Variants in MSRA observed in about 807,000 individuals in gnomAD.
The protein encoded by MSRA is methionine sulfoxide reductase A.
Under a neutral mutation model 31.3 loss-of-function variants are expected in MSRA, and 54 were observed. The ratio of observed to expected loss-of-function variants is 1.73; its 90% CI spans 1.39 to 2.17. The LOEUF (loss-of-function observed/expected upper bound fraction) is 2.17, where lower values mean the gene tolerates loss of function less well. MSRA is among the 30% of genes most tolerant of loss of function. The pLI, the probability that MSRA is intolerant of heterozygous loss-of-function variation, is 0.00. For missense variants in MSRA, 507 were observed against 300.9 expected (o/e 1.69, Z -5.07); for synonymous variants, 169 against 116.5 (o/e 1.45, Z -2.90).
At chr8:10,372,845 T>C (rs566060116) in intron 5 of MSRA, among the ~76,000 whole-genome samples, 2 of 152,378 alleles carry the variant, frequency 1.3e-5, no homozygotes, top group African/African-American at 4.8e-5. Context: ...GGATTTCCTG[T>C]ATAGGCTTAA....
At chr8:10,104,730 A>G (rs1035901468) in intron 1 of MSRA, among the ~76,000 whole-genome samples, 1 of 152,252 alleles carries the variant, frequency 6.6e-6, no homozygotes, top group African/African-American at 2.4e-5. Flanking sequence ...CCTGAATTCC[A>G]AAAGGGAGAC....
intron 5 of MSRA, among the ~76,000 whole-genome samples, chr8:10,425,490 C>T (rs921487269): frequency 6.6e-6 from 1 of 152,226 alleles, no homozygotes; most frequent in African/African-American, 2.4e-5. Flanking sequence ...CCTGCGTGGA[C>T]CCACTTCCTC....
At chr8:10,183,810 GCT>G (rs2129050919) in intron 1 of MSRA, among the ~76,000 whole-genome samples, 1 of 143,038 alleles carries the variant, frequency 7.0e-6, no homozygotes, top group Non-Finnish European at 1.5e-5. Flanking sequence ...TGGTGGTGGT[GCT>G]GCTGCTGCTG....
At chr8:10,078,614 G>T (rs1276044798) in intron 1 of MSRA, among the ~76,000 whole-genome samples, 1 of 152,224 alleles carries the variant, frequency 6.6e-6, no homozygotes, top group Non-Finnish European at 1.5e-5. Flanking sequence ...CAGCTGCCAC[G>T]GTGCTGCACC....
chr8:10,301,634 C>T lies in MSRA; in HGVS notation c.432C>T (p.Thr144=), dbSNP rs1344470932. ...LKVFWENHDP[T]QGMRQGNDHG... is the part of the protein sequence containing the mutation. ...TCTTCTGGGAGAATCACGACCCGAC[C>T]CAAGGTAGAGTGATGAGTGAGCCAG... is the stretch of plus-strand genomic sequence containing the variant. Residue 144 remains threonine (T), a synonymous_variant, in exon 4 of 6, where the codon ACC becomes ACT. Coordinates refer to ENST00000317173, the MANE Select transcript of MSRA (RefSeq NM_012331.5). 5.6e-6 allele frequency: 9 copies of T among 1,612,560 alleles called. No homozygotes were observed. The highest frequency in any genetic ancestry group is 7.6e-6 in the Non-Finnish European group (9 of 1,179,010).
chr8:10,144,125 C>T (rs1316091591), intron 1 of MSRA, among the ~76,000 whole-genome samples: 2 of 152,148 alleles, frequency 1.3e-5, no homozygotes, highest in Admixed American at 6.5e-5. Context: ...GCCGGATCGC[C>T]ACCATCTTTA....
chr8:10,253,738 T>C (rs541914649), intron 3 of MSRA, among the ~76,000 whole-genome samples: 8 of 109,368 alleles, frequency 7.3e-5, no homozygotes, highest in Middle Eastern at 0.011. Context: ...TATGAGAAAA[T>C]AACCTTATGG....
At chr8:10,105,994 A>G (rs1372738996) in intron 1 of MSRA, among the ~76,000 whole-genome samples, 4 of 152,232 alleles carry the variant, frequency 2.6e-5, no homozygotes, top group African/African-American at 9.6e-5. Flanking sequence ...TTTAGTAATT[A>G]TACATCTGTT....
intron 1 of MSRA, among the ~76,000 whole-genome samples, chr8:10,075,843 T>C (rs541023254): frequency 1.5e-4 from 23 of 152,336 alleles, no homozygotes; most frequent in Admixed American, 5.9e-4. Context: ...TGGGTACCAC[T>C]TTCCTCTCTT....
chr8:10,358,462 G>A (rs1804639416), intron 5 of MSRA, among the ~76,000 whole-genome samples: 1 of 150,376 alleles, frequency 6.6e-6, no homozygotes, highest in African/African-American at 2.5e-5. Context: ...CCAACCCCCG[G>A]TTCTGGCCTA....
intron 3 of MSRA, among the ~76,000 whole-genome samples, chr8:10,272,833 TG>T (rs1258731022): frequency 1.1e-4 from 16 of 152,336 alleles, no homozygotes; most frequent in African/African-American, 3.6e-4. Context: ...GCCTAGGACC[TG>T]GCATAAAACA....
chr8:10,222,812 C>T (rs937809774), intron 2 of MSRA, among the ~76,000 whole-genome samples: 1 of 152,140 alleles, frequency 6.6e-6, no homozygotes, highest in African/African-American at 2.4e-5. Context: ...GCAGAGAGTA[C>T]AATGATGGTT....
At chr8:10,194,508 G>A (rs1807805778) in intron 1 of MSRA, among the ~76,000 whole-genome samples, 2 of 152,194 alleles carry the variant, frequency 1.3e-5, no homozygotes, top group East Asian at 1.9e-4. Flanking sequence ...AGAGGTTGCG[G>A]TGAGCCAAGA....
intron 1 of MSRA, among the ~76,000 whole-genome samples, chr8:10,164,940 A>G (rs1804986938): frequency 6.6e-6 from 1 of 152,190 alleles, no homozygotes; most frequent in Non-Finnish European, 1.5e-5. Context: ...AGGCAGGAGA[A>G]TCACTTGAAC....
At chr8:10,422,083 C>A (rs1371478342) in intron 5 of MSRA, among the ~76,000 whole-genome samples, 1 of 152,112 alleles carries the variant, frequency 6.6e-6, no homozygotes, top group Admixed American at 6.5e-5. Context: ...GAATTTGAGA[C>A]CAGCGTGGAC....
At chr8:10,367,454 C>G (rs1376330093) in intron 5 of MSRA, among the ~76,000 whole-genome samples, 1 of 152,066 alleles carries the variant, frequency 6.6e-6, no homozygotes, top group Non-Finnish European at 1.5e-5. Flanking sequence ...GAGCATCCAC[C>G]GGGGGTCTTG....
At chr8:10,258,291 T>C (rs2129091320) in intron 3 of MSRA, among the ~76,000 whole-genome samples, 1 of 149,076 alleles carries the variant, frequency 6.7e-6, no homozygotes. Flanking sequence ...GTCACTACAA[T>C]GAAAAGAACT....
intron 1 of MSRA, among the ~76,000 whole-genome samples, chr8:10,104,674 T>C (rs1799763619): frequency 6.6e-6 from 1 of 152,190 alleles, no homozygotes; most frequent in Admixed American, 6.5e-5. Context: ...TAAATGTTTC[T>C]TATCAGACTT....
At chr8:10,281,815 T>G (rs1027436379) in intron 3 of MSRA, among the ~76,000 whole-genome samples, 3 of 152,208 alleles carry the variant, frequency 2.0e-5, no homozygotes, top group Non-Finnish European at 2.9e-5. Context: ...CGAAGGCTAT[T>G]ATCGAGCTGG....
Sources: allele counts gnomAD v4.1 joint callset (sites outside exome capture counted in the v4.1 genomes callset), GRCh38; gene constraint gnomAD v4.1.1; transcripts MANE v1.5; gene names NCBI Gene and HGNC (gene_info 2026-07-23, HGNC 2026-07-21).